EPB41L4A: variants seen among roughly 807,000 people sequenced by gnomAD.
EPB41L4A encodes the protein band 4.1-like protein 4A.
Under a neutral mutation model 108.6 loss-of-function variants are expected in EPB41L4A, and 100 were observed. The observed-to-expected ratio is 0.92, with a 90% CI of 0.78 to 1.09. EPB41L4A has a LOEUF of 1.09. EPB41L4A is among the 50% of genes least tolerant of loss of function. The pLI, the probability that EPB41L4A is intolerant of heterozygous loss-of-function variation, is 0.00. For synonymous variants in EPB41L4A, 319 were observed against 289.0 expected (o/e 1.10, Z -1.05); for missense variants, 1,030 against 842.7 (o/e 1.22, Z -2.75).
intron 4 of EPB41L4A, among the ~76,000 whole-genome samples, chr5:112,270,064 A>T (rs1469021250): frequency 6.6e-6 from 1 of 152,200 alleles, no homozygotes; most frequent in Non-Finnish European, 1.5e-5. Context: ...GTTGTTGAGG[A>T]CCATTAACAA....
intron 18 of EPB41L4A, among the ~76,000 whole-genome samples, chr5:112,181,401 G>C (rs1030615102): frequency 2.0e-5 from 3 of 151,752 alleles, no homozygotes; most frequent in African/African-American, 4.8e-5. Context: ...GCAGTGAGCC[G>C]AGACTGGCCA....
chr5:112,395,176 T>C (rs1315946010), intron 1 of EPB41L4A, among the ~76,000 whole-genome samples: 1 of 152,156 alleles, frequency 6.6e-6, no homozygotes, highest in African/African-American at 2.4e-5. Flanking sequence ...ATTCAGGACA[T>C]AGGCATGGGC....
chr5:112,282,955 T>C (rs1375236461), intron 2 of EPB41L4A, among the ~76,000 whole-genome samples: 1 of 152,138 alleles, frequency 6.6e-6, no homozygotes, highest in Non-Finnish European at 1.5e-5. Flanking sequence ...TGCTTTTCAG[T>C]CACTAAAGCC....
chr5:112,208,706 G>A (rs540663716), intron 13 of EPB41L4A, among the ~76,000 whole-genome samples: 24 of 152,208 alleles, frequency 1.6e-4, no homozygotes, highest in African/African-American at 3.6e-4. Flanking sequence ...ACTGGCACAC[G>A]TACCCCTGGA....
chr5:112,287,692 G>A (rs1753377534), intron 2 of EPB41L4A, among the ~76,000 whole-genome samples: 1 of 152,170 alleles, frequency 6.6e-6, no homozygotes, highest in Admixed American at 6.5e-5. Context: ...TTGGGATGAA[G>A]TAGCAAGAAG....
At chr5:112,224,964 A>G (rs1748353874) in intron 12 of EPB41L4A, among the ~76,000 whole-genome samples, 1 of 152,186 alleles carries the variant, frequency 6.6e-6, no homozygotes, top group Non-Finnish European at 1.5e-5. Flanking sequence ...AATTTATACT[A>G]ACTTCTTCCT....
intron 13 of EPB41L4A, chr5:112,206,031 C>T (rs981160131): frequency 6.5e-6 from 1 of 153,552 alleles, no homozygotes; most frequent in African/African-American, 2.4e-5. Context: ...GAATGACTTT[C>T]AAATGCTATT....
In EPB41L4A at chr5:112,165,796, C is replaced by T. The variant is rs186469092; in HGVS notation, c.1933-678G>A. On this transcript the variant is annotated intron_variant, in intron 22 of 22. Coordinates refer to ENST00000261486, the MANE Select transcript of EPB41L4A (RefSeq NM_022140.5). ...TATTCCCATAAATAATGGGCTATAC[C>T]GTCCCAATCTATTTTGAGATTTGTT... Among the ~76,000 whole-genome samples, 8 of 152,190 alleles carry T rather than the reference C, an allele frequency of 5.3e-5. No homozygotes were observed. In the East Asian group the frequency reaches 7.7e-4, roughly 15 times the overall value.
At chr5:112,293,339 A>C (rs1167431134) in intron 2 of EPB41L4A, among the ~76,000 whole-genome samples, 4 of 127,026 alleles carry the variant, frequency 3.1e-5, no homozygotes, top group Non-Finnish European at 6.6e-5. Context: ...GGTACCCATT[A>C]GTTATTTTTC....
chr5:112,205,917 CG>C (rs1439941407), intron 13 of EPB41L4A: 2 of 169,192 alleles, frequency 1.2e-5, no homozygotes, highest in Admixed American at 1.2e-4. Context: ...ACTCCAGGCA[CG>C]GGTCTGAATC....
chr5:112,251,871 G>A (rs1750700523), intron 9 of EPB41L4A, among the ~76,000 whole-genome samples: 2 of 152,150 alleles, frequency 1.3e-5, no homozygotes. Context: ...ATGATAAGAA[G>A]GAGAGAAGGG....
intron 15 of EPB41L4A, among the ~76,000 whole-genome samples, chr5:112,198,834 A>T (rs1331726992): frequency 6.9e-6 from 1 of 144,172 alleles, no homozygotes; most frequent in Non-Finnish European, 1.5e-5. Flanking sequence ...TCATGGTTAT[A>T]TTTTTTCATC....
At chr5:112,161,528 T>C (rs781324475), downstream of EPB41L4A, 2 of 519,216 alleles carry the variant, frequency 3.9e-6, no homozygotes, top group Non-Finnish European at 7.7e-6. Context: ...GTGAATGTGG[T>C]GTCAAAAAAG....
intron 1 of EPB41L4A, among the ~76,000 whole-genome samples, chr5:112,338,571 C>G (rs1196227126): frequency 6.6e-6 from 1 of 150,664 alleles, no homozygotes; most frequent in Admixed American, 6.6e-5. Context: ...GGGGAGGCTT[C>G]CTCTACCAGC....
intron 1 of EPB41L4A, among the ~76,000 whole-genome samples, chr5:112,349,517 C>T (rs907114573): frequency 3.3e-5 from 5 of 152,198 alleles, no homozygotes; most frequent in Non-Finnish European, 5.9e-5. Context: ...TAGGGACAAA[C>T]AGAGAGCTGC....
intron 15 of EPB41L4A, among the ~76,000 whole-genome samples, chr5:112,198,107 C>T (rs1478754620): frequency 1.3e-5 from 2 of 151,968 alleles, no homozygotes; most frequent in Non-Finnish European, 2.9e-5. Context: ...GATCTCAGCT[C>T]ACTGCAACCT....
chr5:112,337,949 C>A (rs1000540830), intron 1 of EPB41L4A, among the ~76,000 whole-genome samples: 3 of 152,064 alleles, frequency 2.0e-5, no homozygotes, highest in Non-Finnish European at 2.9e-5. Flanking sequence ...GCACTGGGCA[C>A]ATGGAAAGAC....
chr5:112,190,698 T>C (rs772861858), intron 17 of EPB41L4A, among the ~76,000 whole-genome samples: 11 of 152,290 alleles, frequency 7.2e-5, no homozygotes, highest in South Asian at 6.2e-4. Context: ...TCAGTTGTTA[T>C]AGCATACCTC....
At chr5:112,240,070 G>A in intron 10 of EPB41L4A, among the ~76,000 whole-genome samples, 1 of 152,160 alleles carries the variant, frequency 6.6e-6, no homozygotes, top group Non-Finnish European at 1.5e-5. Context: ...CTCCCAGGAG[G>A]ACTGCATGCA....
Sources: allele counts gnomAD v4.1 joint callset (sites outside exome capture counted in the v4.1 genomes callset), GRCh38; gene constraint gnomAD v4.1.1; transcripts MANE v1.5; gene names NCBI Gene and HGNC (gene_info 2026-07-23, HGNC 2026-07-21).